ZNF536: variants seen among roughly 807,000 people sequenced by gnomAD.
The protein encoded by ZNF536 is zinc finger protein 536.
A neutral mutation model predicts 84.5 loss-of-function variants in ZNF536; 13 were observed. The ratio of observed to expected loss-of-function variants is 0.15; its 90% confidence interval spans 0.10 to 0.24. The LOEUF (loss-of-function observed/expected upper bound fraction) is 0.24, where lower values mean the gene tolerates loss of function less well. Ranked by LOEUF, ZNF536 falls within the 10% of genes least tolerant of loss-of-function variation. The pLI is 1.00. For synonymous variants in ZNF536, 811 were observed against 742.5 expected (o/e 1.09, Z -1.50); for missense variants, 1,536 against 1,747.5 (o/e 0.88, Z 2.16).
intron 3 of ZNF536, among the ~76,000 whole-genome samples, chr19:30,546,868 T>C (rs1028471125): frequency 6.6e-6 from 1 of 152,344 alleles, no homozygotes; most frequent in Non-Finnish European, 1.5e-5. Context: ...TCTTGGAATA[T>C]ATTTAAATCT....
At chr19:30,431,543 C>T (rs996779104) in intron 1 of ZNF536, among the ~76,000 whole-genome samples, 1 of 152,242 alleles carries the variant, frequency 6.6e-6, no homozygotes, top group African/African-American at 2.4e-5. Flanking sequence ...CAAAATCAAG[C>T]CCCCTTTGAT....
At chr19:30,673,650 G>T (rs1188738280) in intron 1 of ZNF536, among the ~76,000 whole-genome samples, 1 of 152,130 alleles carries the variant, frequency 6.6e-6, no homozygotes, top group Non-Finnish European at 1.5e-5. Flanking sequence ...AGCCTGCAGT[G>T]CCCCTAAGCC....
At chr19:30,296,878 C>T (rs1283899033) in intron 2 of ZNF536, among the ~76,000 whole-genome samples, 2 of 152,202 alleles carry the variant, frequency 1.3e-5, no homozygotes, top group African/African-American at 4.8e-5. Flanking sequence ...CCTCTGTCAC[C>T]TGTGTATTTC....
chr19:30,344,616 C>T (rs1007592588), intron 2 of ZNF536, among the ~76,000 whole-genome samples: 2 of 151,992 alleles, frequency 1.3e-5, no homozygotes, highest in Admixed American at 1.3e-4. Flanking sequence ...TGGCCTGCCA[C>T]ACCTTAAAAG....
intron 2 of ZNF536, among the ~76,000 whole-genome samples, chr19:30,528,341 G>T (rs1941004081): frequency 6.6e-6 from 1 of 152,260 alleles, no homozygotes; most frequent in South Asian, 2.1e-4. Flanking sequence ...AATATAAGAA[G>T]AAGTCATTCT....
At chr19:30,320,357 G>T (rs903231905) in intron 2 of ZNF536, among the ~76,000 whole-genome samples, 1 of 152,174 alleles carries the variant, frequency 6.6e-6, no homozygotes, top group African/African-American at 2.4e-5. Flanking sequence ...GAAGTGTAGT[G>T]GATTCATTCT....
chr19:30,235,698 G>A (rs554122263), intron 1 of ZNF536, among the ~76,000 whole-genome samples: 18 of 152,228 alleles, frequency 1.2e-4, no homozygotes, highest in Non-Finnish European at 7.4e-5. Context: ...TTTAATTCCC[G>A]ATTAAAATCT....
At chr19:30,498,916 G>T (rs1234259014) in intron 2 of ZNF536, among the ~76,000 whole-genome samples, 3 of 152,148 alleles carry the variant, frequency 2.0e-5, no homozygotes, top group African/African-American at 4.8e-5. Flanking sequence ...GTTCCAGCCC[G>T]TGCGATCCTG....
chr19:30,446,798 T>TA (rs113621992), intron 2 of ZNF536, among the ~76,000 whole-genome samples: 4,310 of 137,448 alleles, frequency 0.031, 210 homozygotes, highest in African/African-American at 0.11. Context: ...TGGCCCAGTT[T>TA]AAAAAAAAAA....
intron 1 of ZNF536, among the ~76,000 whole-genome samples, chr19:30,572,733 T>C (rs546534397): frequency 6.6e-6 from 1 of 151,948 alleles, no homozygotes; most frequent in Non-Finnish European, 1.5e-5. Flanking sequence ...ATGAGTGATA[T>C]GAAGATGCTG....
At chr19:30,247,050 C>G (rs766630866) in intron 1 of ZNF536, among the ~76,000 whole-genome samples, 14 of 152,184 alleles carry the variant, frequency 9.2e-5, no homozygotes, top group Non-Finnish European at 1.9e-4. Flanking sequence ...TCCAGCTTTC[C>G]GCTGGGGTTT....
chr19:30,313,247 G>T (rs778502166), intron 2 of ZNF536, among the ~76,000 whole-genome samples: 1 of 152,216 alleles, frequency 6.6e-6, no homozygotes, highest in Non-Finnish European at 1.5e-5. Context: ...GTAGCTCCCT[G>T]TCCAGGCGCC....
At chr19:30,609,365 C>T (rs1003599269) in intron 1 of ZNF536, among the ~76,000 whole-genome samples, 3 of 152,128 alleles carry the variant, frequency 2.0e-5, no homozygotes, top group African/African-American at 7.2e-5. Flanking sequence ...TTTCTAATTA[C>T]TTTTTTGAGG....
intron 1 of ZNF536, among the ~76,000 whole-genome samples, chr19:30,603,458 C>CACTT (rs1445358301): frequency 6.6e-6 from 1 of 152,164 alleles, no homozygotes; most frequent in African/African-American, 2.4e-5. Flanking sequence ...AAATAGAAGC[C>CACTT]ACTTGTTTAC....
At chr19:30,439,883 T>A (rs2051937168) in intron 1 of ZNF536, among the ~76,000 whole-genome samples, 1 of 152,100 alleles carries the variant, frequency 6.6e-6, no homozygotes, top group East Asian at 1.9e-4. Flanking sequence ...CATGGACACC[T>A]AGACTGTGAG....
At chr19:30,289,360 C>G (rs913936442) in intron 2 of ZNF536, among the ~76,000 whole-genome samples, 4 of 152,234 alleles carry the variant, frequency 2.6e-5, no homozygotes, top group African/African-American at 9.6e-5. Context: ...GTAACCACTG[C>G]TAGTCAGCGA....
intron 2 of ZNF536, among the ~76,000 whole-genome samples, chr19:30,316,687 C>G (rs150943788): frequency 2.0e-5 from 3 of 152,284 alleles, no homozygotes; most frequent in African/African-American, 7.2e-5. Flanking sequence ...CATTACAGAG[C>G]ATTTGCTTTG....
At chr19:30,453,143 T>C (rs1015975268) in intron 2 of ZNF536, among the ~76,000 whole-genome samples, 10 of 152,122 alleles carry the variant, frequency 6.6e-5, no homozygotes, top group African/African-American at 2.2e-4. Flanking sequence ...CCAGGCGCCA[T>C]CTGGAAAGCC....
chr19:30,403,322 A>C (rs913498238), intron 1 of ZNF536, among the ~76,000 whole-genome samples: 1 of 152,232 alleles, frequency 6.6e-6, no homozygotes, highest in African/African-American at 2.4e-5. Flanking sequence ...TGCACAACGC[A>C]GACAAGGCAG....
Sources: allele counts gnomAD v4.1 joint callset (sites outside exome capture counted in the v4.1 genomes callset), GRCh38; gene constraint gnomAD v4.1.1; transcripts MANE v1.5; gene names NCBI Gene and HGNC (gene_info 2026-07-23, HGNC 2026-07-21).